Variants in SNX25 observed in about 807,000 individuals in gnomAD.
The protein encoded by SNX25 is sorting nexin 25, also known as sorting nexin-25.
In SNX25, 62 loss-of-function variants were observed where a neutral mutation model predicts 113.7. The ratio of observed to expected loss-of-function variants is 0.55; its 90% CI spans 0.44 to 0.67. The LOEUF is 0.67. Among genes scored for constraint, SNX25 ranks in the 30% least tolerant of loss-of-function variants. The pLI, the probability that SNX25 is intolerant of heterozygous loss-of-function variation, is 0.00. For missense variants in SNX25, 1,014 were observed against 1,161.0 expected, an observed-to-expected ratio of 0.87 and a Z score of 1.84; for synonymous variants, 421 against 436.2, an observed-to-expected ratio of 0.97 and a Z score of 0.43.
intron 10 of SNX25, among the ~76,000 whole-genome samples, chr4:185,337,877 G>T (rs929391499): frequency 1.3e-5 from 2 of 152,024 alleles, no homozygotes; most frequent in Non-Finnish European, 2.9e-5. Context: ...TCTTATTAAG[G>T]TGGTATCTTA....
At chr4:185,294,597 G>A (rs1752600085) in intron 6 of SNX25, among the ~76,000 whole-genome samples, 1 of 152,158 alleles carries the variant, frequency 6.6e-6, no homozygotes, top group Admixed American at 6.6e-5. Flanking sequence ...GAAATATTTG[G>A]AAGTTACCAT....
chr4:185,230,690 C>T (rs1210152614), intron 1 of SNX25, among the ~76,000 whole-genome samples: 1 of 152,076 alleles, frequency 6.6e-6, no homozygotes, highest in Non-Finnish European at 1.5e-5. Context: ...TGAGCCACTG[C>T]GCCTGGCCCA....
chr4:185,371,285 A>T (rs1461351090), downstream of SNX25, among the ~76,000 whole-genome samples: 1 of 152,118 alleles, frequency 6.6e-6, no homozygotes, highest in Admixed American at 6.5e-5. Flanking sequence ...CACGCCTGTA[A>T]TCCCAGCACT....
chr4:185,363,723 A>G lies in SNX25; in HGVS notation c.*258A>G, dbSNP rs780901347. 3.1e-6 allele frequency: 1 copy of G among 323,644 alleles called. No individual in the cohort carries two copies. The highest frequency in any genetic ancestry group is 2.1e-5 in the African/African-American group (1 of 47,716). 20.0% of individuals were successfully genotyped at this position (323,644 alleles called of 1,614,324 possible). ...TACCGATTGAAATACAAATGTTAAT[A>G]TGTGAGAACCTAGGAAGTATTTTAA... On this transcript the variant is annotated 3_prime_UTR_variant, in exon 19 of 19. Transcript: ENST00000652585. This position sits in a 1 kb window ranked among gnomAD's most constrained non-coding sequence, Gnocchi z 4.2.
At chr4:185,296,961 G>T (rs1361331933) in intron 6 of SNX25, among the ~76,000 whole-genome samples, 2 of 152,042 alleles carry the variant, frequency 1.3e-5, no homozygotes, top group Non-Finnish European at 2.9e-5. Flanking sequence ...CATCTTCTTT[G>T]ACCTTTCTGC....
intron 1 of SNX25, among the ~76,000 whole-genome samples, chr4:185,236,619 TTTTA>T (rs1742688988): frequency 6.6e-6 from 1 of 152,194 alleles, no homozygotes; most frequent in Non-Finnish European, 1.5e-5. Flanking sequence ...TGTCTGAGTC[TTTTA>T]TTATTATAAA....
intron 1 of SNX25, among the ~76,000 whole-genome samples, chr4:185,211,041 C>G (rs903571234): frequency 1.3e-5 from 2 of 152,312 alleles, no homozygotes; most frequent in African/African-American, 4.8e-5. Context: ...GCTTAACACT[C>G]ACTGCTTGAC....
chr4:185,230,549 C>T lies in SNX25; in HGVS notation c.430-16745C>T, dbSNP rs182063274. 5.8e-3 allele frequency among the ~76,000 whole-genome samples: 875 copies of T among 152,068 alleles called. 7 individuals are homozygous for T. Among genetic ancestry groups the T allele is most frequent in the African/African-American group, 0.02 (839 of 41,438 alleles). On this transcript the variant is annotated intron_variant, in intron 1 of 18. Transcript: ENST00000652585. Reference sequence around the variant, plus strand: ...CTGGGATTACAGGCATGAGCCAACACACCTGGCTAATTTTGTATTTTTTTT... The same window carrying T: ...CTGGGATTACAGGCATGAGCCAACATACCTGGCTAATTTTGTATTTTTTTT...
At chr4:185,276,012 T>C (rs1027014799) in intron 5 of SNX25, among the ~76,000 whole-genome samples, 1 of 152,150 alleles carries the variant, frequency 6.6e-6, no homozygotes, top group African/African-American at 2.4e-5. Context: ...CTTCAGTTGG[T>C]GTCTGAGAAA....
chr4:185,357,706 G>C lies in SNX25; in HGVS notation c.2620G>C (p.Val874Leu), dbSNP rs908153445. 6.8e-6 allele frequency: 11 copies of C among 1,613,874 alleles called. No homozygotes were observed. In the Admixed American group the frequency reaches 1.7e-4, roughly 24 times the overall value. The change falls in exon 16 of 19, where the codon GTT becomes CTT. Residue 874 changes from valine to leucine, a missense_variant. By Grantham distance (32) the Val-to-Leu change is conservative. Transcript: ENST00000652585. Reference sequence around the variant, plus strand: ...GGTGAGAAGAACATTAATTGCCCTCGTTCAGGTCACTTTTGGAAGAACCAT... The same window carrying C: ...GGTGAGAAGAACATTAATTGCCCTCCTTCAGGTCACTTTTGGAAGAACCAT... ...KWVRRTLIAL[V>L]QVTFGRTINK...
intron 1 of SNX25, among the ~76,000 whole-genome samples, chr4:185,239,299 C>A (rs111483173): frequency 4.0e-5 from 6 of 151,458 alleles, no homozygotes; most frequent in Admixed American, 2.0e-4. Context: ...CTGGCCAACA[C>A]GGTGAAACTC....
At chr4:185,370,745 G>C (rs1365728322), downstream of SNX25, 2 of 1,614,122 alleles carry the variant, frequency 1.2e-6, no homozygotes, top group Non-Finnish European at 8.5e-7. Flanking sequence ...CTCTGCCGAT[G>C]AACTCCGGGA....
intron 1 of SNX25, among the ~76,000 whole-genome samples, chr4:185,243,815 G>A (rs956852145): frequency 1.6e-4 from 24 of 152,174 alleles, no homozygotes; most frequent in African/African-American, 5.5e-4. Flanking sequence ...CAGGGCAAGA[G>A]GTAGTAGATC....
chr4:185,320,684 A>C, intron 7 of SNX25, 49 bp from the exon 8 acceptor site: 10 of 1,360,188 alleles, frequency 7.4e-6, no homozygotes, highest in Non-Finnish European at 9.7e-6. Flanking sequence ...AAGCAAACTG[A>C]CATTTAAAAT....
At chr4:185,238,761 C>CA (rs1743036340) in intron 1 of SNX25, among the ~76,000 whole-genome samples, 1 of 152,166 alleles carries the variant, frequency 6.6e-6, no homozygotes, top group South Asian at 2.1e-4. Flanking sequence ...TTTTCCTTTT[C>CA]AAAATAGCAC....
intron 2 of SNX25, among the ~76,000 whole-genome samples, chr4:185,248,721 CA>C (rs1481597979): frequency 6.6e-6 from 1 of 152,174 alleles, no homozygotes; most frequent in African/African-American, 2.4e-5. Flanking sequence ...TTGAAATGTA[CA>C]AATCTTAATT....
chr4:185,271,308 C>T (rs1748894707), intron 5 of SNX25, among the ~76,000 whole-genome samples: 1 of 152,220 alleles, frequency 6.6e-6, no homozygotes, highest in Admixed American at 6.5e-5. Flanking sequence ...GGGATACATT[C>T]TCAGACTTAA....
rs147958369 is a variant in SNX25 at position 185,346,630 on chromosome 4, C to A, written c.2281C>A (p.Gln761Lys). ...DQKFMEKSKN[Q>K]LNKFLQNLLS... ...AAAGTTTATGGAAAAGTCGAAGAAT[C>A]AATTAAATAAGTTTTTACAGGTAAG... The change falls in exon 13 of 19, where the codon CAA (glutamine) becomes AAA (lysine). Residue 761 changes from glutamine to lysine, a missense_variant. By Grantham distance (53) the Gln-to-Lys change is moderately conservative (BLOSUM62 1). Transcript: ENST00000652585. The A allele has an allele frequency of 8.9e-6, 14 of 1,578,544 alleles. No individual in the cohort carries two copies. Among genetic ancestry groups the A allele is most frequent in the African/African-American group, 1.4e-5 (1 of 72,306 alleles).
At chr4:185,230,660 A>G (rs1262192888) in intron 1 of SNX25, among the ~76,000 whole-genome samples, 3 of 151,972 alleles carry the variant, frequency 2.0e-5, no homozygotes, top group African/African-American at 7.3e-5. Flanking sequence ...CGGCCTCCCA[A>G]AGTGCTGGGA....
Sources: allele counts gnomAD v4.1 joint callset (sites outside exome capture counted in the v4.1 genomes callset), GRCh38; gene constraint gnomAD v4.1.1; non-coding constraint Gnocchi (gnomAD v3.1); transcripts MANE v1.5; gene names NCBI Gene and HGNC (gene_info 2026-07-23, HGNC 2026-07-21).